The following RAB9B variants were observed in gnomAD, a reference collection of about 807,000 sequenced individuals.
RAB9B encodes the protein RAB9B, member RAS oncogene family.
In RAB9B, 1 loss-of-function variant was observed where a neutral mutation model predicts 8.9. That is an observed-to-expected ratio of 0.11 (90% CI 0.04 to 0.53). RAB9B has a LOEUF of 0.53. RAB9B is among the 20% of genes least tolerant of loss of function. The probability of loss-of-function intolerance (pLI) is 0.93; values close to 1 mark genes in which losing one functional copy is unlikely to be tolerated. For missense variants in RAB9B, 82 were observed against 152.9 expected (o/e 0.54, Z 2.45); for synonymous variants, 63 against 57.0 (o/e 1.10, Z -0.47).
chrX:103,807,194 G>C, the RAB9B span, among the ~76,000 whole-genome samples: 5 of 111,760 alleles, frequency 4.5e-5, no homozygotes, highest in Non-Finnish European at 9.4e-5. Context: ...AGAAACCAAA[G>C]AATCATTCTA....
At chrX:103,793,757 A>G in the RAB9B span, among the ~76,000 whole-genome samples, 1 of 111,624 alleles carries the variant, frequency 9.0e-6, no homozygotes, top group Non-Finnish European at 1.9e-5. Flanking sequence ...CAGTCTATCA[A>G]TTGAACCCAT....
the RAB9B span, among the ~76,000 whole-genome samples, chrX:103,800,076 G>T: frequency 9.0e-6 from 1 of 110,925 alleles, no homozygotes; most frequent in Non-Finnish European, 1.9e-5. Context: ...TTACTAAATT[G>T]CTCTGTTTTG....
chrX:103,790,114 C>T, the RAB9B span, among the ~76,000 whole-genome samples: 49 of 112,373 alleles, frequency 4.4e-4, no homozygotes, highest in Admixed American at 3.9e-3. Context: ...CCTTGTAAAA[C>T]GAATTGATTC....
chrX:103,793,253 T>A, the RAB9B span, among the ~76,000 whole-genome samples: 1 of 112,059 alleles, frequency 8.9e-6, no homozygotes, highest in African/African-American at 3.2e-5. Context: ...ATTAAAGCCC[T>A]TTCACAACCC....
chrX:103,809,011 T>C, the RAB9B span, among the ~76,000 whole-genome samples: 1 of 112,895 alleles, frequency 8.9e-6, no homozygotes, highest in Non-Finnish European at 1.9e-5. Context: ...AATTCATATG[T>C]TGAAGCTCTA....
chrX:103,798,706 G>A, the RAB9B span, among the ~76,000 whole-genome samples: 16 of 105,382 alleles, frequency 1.5e-4, no homozygotes, highest in Admixed American at 1.2e-3. Context: ...GTAGGGGTGC[G>A]ATCTCGGCTC....
the RAB9B span, among the ~76,000 whole-genome samples, chrX:103,807,161 T>G: frequency 8.9e-6 from 1 of 111,980 alleles, no homozygotes; most frequent in Admixed American, 9.4e-5. Context: ...AATGAACAAA[T>G]GAGAGTTTGC....
the RAB9B span, chrX:103,785,543 A>C: frequency 3.5e-6 from 4 of 1,140,832 alleles, no homozygotes; most frequent in Admixed American, 6.5e-5. Flanking sequence ...TGAGCTACCT[A>C]CTGGATGTGC....
chrX:103,785,799 C>CT, the RAB9B span: 30 of 1,121,740 alleles, frequency 2.7e-5, no homozygotes, highest in African/African-American at 5.4e-5. Context: ...ACAGACCCAT[C>CT]TTTTTTTTCC....
the RAB9B span, chrX:103,776,840 C>A: frequency 1.8e-6 from 1 of 557,836 alleles, no homozygotes. Flanking sequence ...TCAGAAAGCC[C>A]TTTTCATTGC....
the RAB9B span, among the ~76,000 whole-genome samples, chrX:103,790,136 GA>G: frequency 8.9e-6 from 1 of 112,381 alleles, no homozygotes; most frequent in African/African-American, 3.2e-5. Context: ...TTAACCAGGG[GA>G]GAGCTCTACT....
At position 103,827,081 on chromosome X, in the gene RAB9B, A is replaced by G. The variant is rs1293143913; in HGVS notation, c.-116-3T>C. The G allele has an allele frequency of 6.4e-5, 7 of 109,906 alleles. No individual in the cohort carries two copies. In the Admixed American group the frequency reaches 6.8e-4, roughly 11 times the overall value. 9.1% of individuals were successfully genotyped at this position (109,906 alleles called of 1,213,427 possible). A position where few individuals can be genotyped will look rare whatever the true frequency, so the allele number is the denominator to read the frequency against. The stretch of plus-strand genomic sequence containing the variant: ...TTTTATTCTTTCTTTTTAGGGTGCT[A>G]TAAAACAGAATAGAAAACATTATTT... On this transcript the variant is annotated splice_polypyrimidine_tract_variant and splice_region_variant and intron_variant, in intron 1 of 2. Coordinates refer to ENST00000243298, the MANE Select transcript of RAB9B (RefSeq NM_016370.4).
chrX:103,785,490 C>T, the RAB9B span: 51 of 814,135 alleles, frequency 6.3e-5, no homozygotes, highest in East Asian at 9.4e-5. Context: ...CCACTATCTC[C>T]GAGCCTGTGA....
At position 103,824,459 on chromosome X, in the gene RAB9B, T is replaced by C. The variant is rs2074675354; in HGVS notation, c.*720A>G. ...GAATTAAAAGCAGACCAACCATTTA[T>C]TTGCAAAGGTGGTTGGCATATTTAA... On this transcript the variant is annotated 3_prime_UTR_variant, in exon 3 of 3. Transcript: ENST00000243298. 1 of 112,328 alleles carries C rather than the reference T, an allele frequency of 8.9e-6. No homozygotes were observed. The highest frequency in any genetic ancestry group is 3.7e-4 in the South Asian group (1 of 2,714). The allele number at this position is 112,328 out of a possible 1,213,427, so 9.3% of individuals were successfully genotyped here. A position where few individuals can be genotyped will look rare whatever the true frequency, so the allele number is the denominator to read the frequency against.
At chrX:103,798,826 G>A in the RAB9B span, among the ~76,000 whole-genome samples, 2 of 108,149 alleles carry the variant, frequency 1.8e-5, no homozygotes, top group African/African-American at 6.7e-5. Context: ...ATTTTTAGTA[G>A]AGACGGGGTT....
Position 103,822,516 on chromosome X carries a change from C to T in RAB9B, c.*2663G>A, listed in dbSNP as rs1351677939. ...AATTAACCTGATATTCATCAATCCACTGAAGACATATGGAATCTGAGGCCC... is the reference window on the plus strand; with the variant it reads ...AATTAACCTGATATTCATCAATCCATTGAAGACATATGGAATCTGAGGCCC... On this transcript the variant is annotated 3_prime_UTR_variant, in exon 3 of 3. Transcript: ENST00000243298. 1 of 111,528 alleles carries T rather than the reference C, an allele frequency of 9.0e-6. No individual in the cohort carries two copies. The highest frequency in any genetic ancestry group is 3.3e-5 in the African/African-American group (1 of 30,667). The allele number at this position is 111,528 out of a possible 1,213,427, so 9.2% of individuals were successfully genotyped here.
chrX:103,786,233 G>C, the RAB9B span: 433 of 1,141,504 alleles, frequency 3.8e-4, 1 homozygote, highest in Non-Finnish European at 2.7e-4. Context: ...AGGTCCCAGG[G>C]TAAGCAAGGT....
At chrX:103,786,309 G>A in the RAB9B span, 3 of 1,081,381 alleles carry the variant, frequency 2.8e-6, no homozygotes, top group African/African-American at 1.8e-5. Flanking sequence ...ACAAAGATAA[G>A]GTGAAAGCAT....
the RAB9B span, among the ~76,000 whole-genome samples, chrX:103,781,703 G>T: frequency 1.1e-4 from 12 of 112,368 alleles, no homozygotes; most frequent in African/African-American, 3.9e-4. Flanking sequence ...ACTGGAGGGG[G>T]TCATTATTTT....
Sources: allele counts gnomAD v4.1 joint callset (sites outside exome capture counted in the v4.1 genomes callset), GRCh38; gene constraint gnomAD v4.1.1; transcripts MANE v1.5; gene names NCBI Gene and HGNC (gene_info 2026-07-23, HGNC 2026-07-21).